PLXNB1: variants seen among roughly 807,000 people sequenced by gnomAD.
PLXNB1 encodes plexin B1.
PLXNB1 carries 106 observed loss-of-function variants against 209.4 expected under a neutral mutation model. The ratio of observed to expected loss-of-function variants is 0.51; its 90% CI spans 0.43 to 0.59. The LOEUF (loss-of-function observed/expected upper bound fraction) is 0.59, where lower values mean the gene tolerates loss of function less well. PLXNB1 is among the 20% of genes least tolerant of loss of function. PLXNB1 has a pLI of 0.00. For missense variants in PLXNB1, 2,357 were observed against 2,853.2 expected (o/e 0.83, Z 3.96); for synonymous variants, 1,167 against 1,183.2 (o/e 0.99, Z 0.28).
rs906362083 is a variant in PLXNB1, at chr3:48,415,805, A to G, written c.3618-46T>C. On this transcript the variant is annotated intron_variant, in intron 18 of 37. Coordinates refer to ENST00000296440, the MANE Select transcript of PLXNB1 (RefSeq NM_001130082.3). The surrounding 1 kb of genome is among the most constrained non-coding windows in gnomAD (Gnocchi z 5.0). Reference sequence around the variant, plus strand: ...GAATGCAGGGGCGCAGGCAGGGAAAACTTGGACCACTCAGGCCCCAACTGG... The same window carrying G: ...GAATGCAGGGGCGCAGGCAGGGAAAGCTTGGACCACTCAGGCCCCAACTGG... 4 of 1,508,274 alleles carry G rather than the reference A, an allele frequency of 2.7e-6. No homozygotes were observed. The African/African-American group carries it at 5.5e-5, about 21-fold the overall frequency. The allele number at this position is 1,508,274 out of a possible 1,614,324, so 93.4% of individuals were successfully genotyped here. A position where few individuals can be genotyped will look rare whatever the true frequency, so the allele number is the denominator to read the frequency against.
At position 48,412,936 on chromosome 3, in the gene PLXNB1, G is replaced by C; in HGVS notation, c.4660C>G (p.Leu1554Val). Residue 1554 changes from leucine to valine, a missense_variant, in exon 25 of 38, where the codon CTC becomes GTC. Leu to Val is a conservative substitution (Grantham distance 32). Transcript: ENST00000296440. ...CCGCTGCCCAGGAGGTCACTGGTGA[G>C]ATCGGTCATCTCAGTCATGAGGTCT... Reference protein sequence around the residue: ...FTDLMTEMTDLTSDLLGSGIP... With the variant: ...FTDLMTEMTDVTSDLLGSGIP... 6.2e-7 allele frequency: 1 copy of C among 1,614,160 alleles called. No individual in the cohort carries two copies. The highest frequency in any genetic ancestry group is 8.5e-7 in the Non-Finnish European group (1 of 1,180,020).
Position 48,418,755 on chromosome 3 carries a change from A to G in PLXNB1, c.2955+162T>C, listed in dbSNP as rs1048305545. 1.3e-5 allele frequency among the ~76,000 whole-genome samples: 2 copies of G among 152,134 alleles called. No homozygotes were observed. The highest frequency in any genetic ancestry group is 6.5e-5 in the Admixed American group (1 of 15,270). ...TTCAGAGCTGGGATGCAAGGACTCC[A>G]CGGGGCACATGGTCAGAGGTCAGAA... is the stretch of plus-strand genomic sequence containing the variant. On this transcript the variant is annotated intron_variant, in intron 13 of 37. Transcript: ENST00000296440. This position sits in a 1 kb window ranked among gnomAD's most constrained non-coding sequence, Gnocchi z 6.6.
rs774609125 is a variant in PLXNB1, at chr3:48,409,437, C to G, written c.5979G>C (p.Pro1993=). ...ATGTTTGCACGTCGAACACAAACTGCGGGTTTTTTATTATATTGATCCAGA... is the reference window on the plus strand; with the variant it reads ...ATGTTTGCACGTCGAACACAAACTGGGGGTTTTTTATTATATTGATCCAGA... The part of the protein sequence containing the change: ...LRFWINIIKN[P]QFVFDVQTSD... Residue 1993 remains proline (P), a synonymous_variant, in exon 34 of 38, where the codon CCG becomes CCC. Transcript: ENST00000296440. This position sits in a 1 kb window ranked among gnomAD's most constrained non-coding sequence, Gnocchi z 5.8. 1.9e-6 allele frequency: 3 copies of G among 1,614,130 alleles called. No individual in the cohort carries two copies. The highest frequency in any genetic ancestry group is 2.5e-6 in the Non-Finnish European group (3 of 1,180,026).
Position 48,419,830 on chromosome 3 carries a change from G to A in PLXNB1, c.2456C>T (p.Pro819Leu), listed in dbSNP as rs368923484. The A allele has an allele frequency of 8.9e-6, 14 of 1,580,448 alleles. No individual in the cohort carries two copies. The highest frequency in any genetic ancestry group is 2.7e-5 in the African/African-American group (2 of 74,564). ...ALHPTVPLDL[P>L]PATVPATTFP... ...AGTGGTGGCAGGAACAGTGGCAGGG[G>A]GCAGGTCCAGGGGCACTGTGGGATG... is the stretch of plus-strand genomic sequence containing the variant. Residue 819 changes from proline to leucine, a missense_variant, in exon 11 of 38, where the codon CCC becomes CTC. By Grantham distance (98) the Pro-to-Leu change is moderately conservative. This residue lies in a region of PLXNB1 where 410 missense variants were observed against 401.0 expected (regional missense o/e 1.02). Coordinates refer to ENST00000296440, the MANE Select transcript of PLXNB1 (RefSeq NM_001130082.3). The surrounding 1 kb of genome is among the most constrained non-coding windows in gnomAD (Gnocchi z 5.7).
Position 48,419,468 on chromosome 3 carries a change from C to T in PLXNB1, c.2710-102G>A. ...GGCAAGGCCGGTGTGGGGCTGCAGA[C>T]TCCACCCTGCCCCTCACCTCCTCCC... On this transcript the variant is annotated intron_variant, in intron 11 of 37. Coordinates refer to ENST00000296440, the MANE Select transcript of PLXNB1 (RefSeq NM_001130082.3). This position sits in a 1 kb window ranked among gnomAD's most constrained non-coding sequence, Gnocchi z 5.7. 6.7e-7 allele frequency: 1 copy of T among 1,497,454 alleles called. No individual in the cohort carries two copies. Among genetic ancestry groups the T allele is most frequent in the Non-Finnish European group, 9.0e-7 (1 of 1,112,978 alleles). The allele number at this position is 1,497,454 out of a possible 1,614,324, so 92.8% of individuals were successfully genotyped here. A position where few individuals can be genotyped will look rare whatever the true frequency, so the allele number is the denominator to read the frequency against.
intron 1 of PLXNB1, among the ~76,000 whole-genome samples, chr3:48,428,695 C>T (rs1172606939): frequency 6.6e-6 from 1 of 152,150 alleles, no homozygotes; most frequent in African/African-American, 2.4e-5. Flanking sequence ...CCGCTGCCCG[C>T]CCTGTTTTCT....
intron 1 of PLXNB1, among the ~76,000 whole-genome samples, chr3:48,427,741 G>A (rs1027678946): frequency 2.6e-5 from 4 of 152,082 alleles, no homozygotes; most frequent in African/African-American, 7.2e-5. Flanking sequence ...CCACTCCCTC[G>A]CTATCCCATT....
Position 48,406,823 on chromosome 3 carries a change from C to T in PLXNB1, c.6228G>A (p.Trp2076Ter). The T allele has an allele frequency of 6.2e-7, 1 of 1,606,720 alleles. No homozygotes were observed. Among genetic ancestry groups the T allele is most frequent in the Non-Finnish European group, 8.5e-7 (1 of 1,176,492 alleles). Residue 2076 changes from tryptophan to a stop codon, truncating the protein, a stop_gained and splice_region_variant, in exon 36 of 38, where the codon TGG (tryptophan) becomes TGA (stop). Coordinates refer to ENST00000296440, the MANE Select transcript of PLXNB1 (RefSeq NM_001130082.3). LOFTEE classifies it high-confidence loss of function. The surrounding 1 kb of genome is among the most constrained non-coding windows in gnomAD (Gnocchi z 4.4). ...CCCAAGAAGCAGAGGGAGGCCTTAC[C>T]CAGGACAGTTCAGCCAGGACAGAGT... The part of the protein sequence containing the change: ...EMNSVLAELS[W>*]NYSGDLGARV...
intron 34 of PLXNB1, among the ~76,000 whole-genome samples, chr3:48,408,381 G>A (rs940497283): frequency 6.6e-6 from 1 of 152,108 alleles, no homozygotes; most frequent in Non-Finnish European, 1.5e-5. Context: ...TGAGACCTGG[G>A]GGTCTAGGCT....
intron 10 of PLXNB1, 96 bp from the exon 11 acceptor site, chr3:48,420,353 G>A (rs908902028): frequency 1.1e-5 from 8 of 716,314 alleles, no homozygotes; most frequent in African/African-American, 1.8e-5. Flanking sequence ...GAGGAAAGGA[G>A]ACCAAGGAAA....
At position 48,411,884 on chromosome 3, in the gene PLXNB1, C is replaced by A. The variant is rs1223158628; in HGVS notation, c.5226G>T (p.Glu1742Asp). 6.2e-7 allele frequency: 1 copy of A among 1,614,052 alleles called. No homozygotes were observed. The highest frequency in any genetic ancestry group is 8.5e-7 in the Non-Finnish European group (1 of 1,180,020). The change falls in exon 28 of 38, where the codon GAG becomes GAT. Residue 1742 changes from glutamate to aspartate, a missense_variant. Physicochemically the swap from Glu to Asp is conservative, Grantham distance 45. Coordinates refer to ENST00000296440, the MANE Select transcript of PLXNB1 (RefSeq NM_001130082.3). This position sits in a 1 kb window ranked among gnomAD's most constrained non-coding sequence, Gnocchi z 4.0. Reference sequence around the variant, plus strand: ...TCACCAGGGGACGGTACTCCACATCCTCTCTGAGCAGGCGGTTGTCGTTCA... The same window carrying A: ...TCACCAGGGGACGGTACTCCACATCATCTCTGAGCAGGCGGTTGTCGTTCA... Reference protein sequence around the residue: ...YTLNDNRLLREDVEYRPLTLN... With the variant: ...YTLNDNRLLRDDVEYRPLTLN...
chr3:48,414,785 A>C lies in PLXNB1; in HGVS notation c.4209+14T>G. 2 of 1,610,484 alleles carry C rather than the reference A, an allele frequency of 1.2e-6. No homozygotes were observed. Among genetic ancestry groups the C allele is most frequent in the Non-Finnish European group, 1.7e-6 (2 of 1,177,394 alleles). ...GGGTCTCGGGGCCCTGCCAGGTCCA[A>C]GTAGGAGCTGTACCTCCACGGAGAA... On this transcript the variant is annotated intron_variant, in intron 21 of 37. Transcript: ENST00000296440.
Position 48,424,260 on chromosome 3 carries a change from C to T in PLXNB1, c.352G>A (p.Val118Ile). The change falls in exon 3 of 38, where the codon GTC becomes ATC. Residue 118 changes from valine (V) to isoleucine (I), a missense_variant. Around this residue, in one of 7 missense-constraint regions of PLXNB1, gnomAD observed 107 missense variants for 167.2 expected, o/e 0.64. Transcript: ENST00000296440. Reference sequence around the variant, plus strand: ...TGCCCCAGGCGCCGCTGTTCACAGACCCCCTGGTGCACGCTCCCGCATACC... The same window carrying T: ...TGCCCCAGGCGCCGCTGTTCACAGATCCCCTGGTGCACGCTCCCGCATACC... Reference protein sequence around the residue: ...LVVCGSVHQGVCEQRRLGQLE... With the variant: ...LVVCGSVHQGICEQRRLGQLE... The T allele has an allele frequency of 1.3e-6, 2 of 1,599,368 alleles. No individual in the cohort carries two copies. Among genetic ancestry groups the T allele is most frequent in the East Asian group, 4.5e-5 (2 of 44,058 alleles).
At position 48,423,984 on chromosome 3, in the gene PLXNB1, G is replaced by A. The variant is rs775387882; in HGVS notation, c.628C>T (p.Arg210Cys). The change falls in exon 3 of 38, where the codon CGC (arginine) becomes TGC (cysteine). Residue 210 changes from arginine (R) to cysteine (C), a missense_variant. Physicochemically the swap from Arg to Cys is radical, Grantham distance 180. Coordinates refer to ENST00000296440, the MANE Select transcript of PLXNB1 (RefSeq NM_001130082.3). ...YEETAKLAVG[R>C]LSEYSHHFVS... ...AAGTGGTGGCTGTACTCGGAGAGGC[G>A]GCCCACTGCCAGCTTGGCTGTCTCC... 4.3e-6 allele frequency: 7 copies of A among 1,613,508 alleles called. No individual in the cohort carries two copies. The highest frequency in any genetic ancestry group is 2.2e-5 in the East Asian group (1 of 44,862).
In PLXNB1 at chr3:48,410,078, C is replaced by T; in HGVS notation, c.5606-1G>A. On this transcript the variant is annotated splice_acceptor_variant, in intron 31 of 37. Transcript: ENST00000296440. LOFTEE classifies it high-confidence loss of function. The surrounding 1 kb of genome is among the most constrained non-coding windows in gnomAD (Gnocchi z 6.4). ...TCTACATCCTCCAGCATTGGGGTCCCTGTGCCAAGAGCCCACAGCTGTCAC... is the reference window on the plus strand; with the variant it reads ...TCTACATCCTCCAGCATTGGGGTCCTTGTGCCAAGAGCCCACAGCTGTCAC... 6.3e-7 allele frequency: 1 copy of T among 1,579,238 alleles called. No homozygotes were observed. The highest frequency in any genetic ancestry group is 1.3e-5 in the African/African-American group (1 of 74,214).
Position 48,419,654 on chromosome 3 carries a change from G to A in PLXNB1, c.2632C>T (p.Leu878Phe), listed in dbSNP as rs1455701202. 6.2e-7 allele frequency: 1 copy of A among 1,612,448 alleles called. No homozygotes were observed. The highest frequency in any genetic ancestry group is 1.3e-5 in the African/African-American group (1 of 74,904). ...LLSGDGDSAELEGPPAPLILP... is the reference protein window; with the variant it reads ...LLSGDGDSAEFEGPPAPLILP... ...ATGAGGGGGGCGGGAGGGCCCTCAA[G>A]CTCTGCTGAGTCTCCATCACCTGAG... Residue 878 changes from leucine (L) to phenylalanine (F), a missense_variant, in exon 11 of 38, where the codon CTT becomes TTT. Transcript: ENST00000296440. This position sits in a 1 kb window ranked among gnomAD's most constrained non-coding sequence, Gnocchi z 5.7.
Position 48,424,435 on chromosome 3 carries a change from G to A in PLXNB1, c.177C>T (p.Ser59=). 1 of 1,580,022 alleles carries A rather than the reference G, an allele frequency of 6.3e-7. No individual in the cohort carries two copies. Among genetic ancestry groups the A allele is most frequent in the Non-Finnish European group, 8.6e-7 (1 of 1,162,570 alleles). ...LGATNFLFQL[S]PGLQLEATVS... ...CTGTGGCCTCCAGCTGCAGCCCAGG[G>A]CTCAGCTGGAACAGGAAGTTGGTAG... The change falls in exon 3 of 38, where the codon AGC becomes AGT. Residue 59 remains serine, a synonymous_variant. Coordinates refer to ENST00000296440, the MANE Select transcript of PLXNB1 (RefSeq NM_001130082.3).
chr3:48,412,073 C>T (rs1307115426), intron 27 of PLXNB1, 64 bp from the exon 28 acceptor site: 3 of 1,578,544 alleles, frequency 1.9e-6, no homozygotes, highest in Non-Finnish European at 2.6e-6. Context: ...ACATGACGCA[C>T]ACTGGGGAAG....
rs200392198 is a variant in PLXNB1, at chr3:48,415,629, A to T, written c.3748T>A (p.Leu1250Met). The part of the protein sequence containing the change: ...RLQRGQFKYT[L>M]DPNITSAGPT... ...CCAGCAGAGGTGATGTTGGGGTCCA[A>T]GGTATACTTGAACTGTCCGCGTTGA... Residue 1250 changes from leucine (L) to methionine (M), a missense_variant, in exon 19 of 38, where the codon TTG becomes ATG. This residue lies in a region of PLXNB1 where 743 missense variants were observed against 896.2 expected (regional missense o/e 0.83). Transcript: ENST00000296440. This position sits in a 1 kb window ranked among gnomAD's most constrained non-coding sequence, Gnocchi z 5.0. 1 of 1,583,856 alleles carries T rather than the reference A, an allele frequency of 6.3e-7. No individual in the cohort carries two copies. Among genetic ancestry groups the T allele is most frequent in the Non-Finnish European group, 8.6e-7 (1 of 1,164,814 alleles).
Sources: allele counts gnomAD v4.1 joint callset (sites outside exome capture counted in the v4.1 genomes callset), GRCh38; gene constraint gnomAD v4.1.1; regional missense constraint gnomAD v4.1.1; non-coding constraint Gnocchi (gnomAD v3.1); transcripts MANE v1.5; gene names NCBI Gene and HGNC (gene_info 2026-07-23, HGNC 2026-07-21).